SLC35F2: variants seen among roughly 807,000 people sequenced by gnomAD.
The protein encoded by SLC35F2 is solute carrier family 35 member F2.
A neutral mutation model predicts 38.1 loss-of-function variants in SLC35F2; 25 were observed. The observed-to-expected ratio is 0.66, with a 90% confidence interval of 0.48 to 0.92. The LOEUF is 0.92. Ranked by LOEUF, SLC35F2 falls within the 40% of genes least tolerant of loss-of-function variation. SLC35F2 has a pLI of 0.00. For missense variants in SLC35F2, 409 were observed against 452.9 expected (o/e 0.90, Z 0.88); for synonymous variants, 173 against 181.7 (o/e 0.95, Z 0.38).
intron 1 of SLC35F2, among the ~76,000 whole-genome samples, chr11:107,844,111 A>C (rs1860064241): frequency 6.6e-6 from 1 of 151,954 alleles, no homozygotes; most frequent in African/African-American, 2.4e-5. Flanking sequence ...AGACTGCCCA[A>C]GGTCTGTTTT....
In SLC35F2 at chr11:107,806,895, A is replaced by G; in HGVS notation, c.415-19T>C. ...CCAAAAGCTGCATGGAAAGAGAATC[A>G]ACAGTTTAAAACATATCTCTCATTA... On this transcript the variant is annotated intron_variant, in intron 3 of 7. Coordinates refer to ENST00000525815, the MANE Select transcript of SLC35F2 (RefSeq NM_017515.5). 6.2e-7 allele frequency: 1 copy of G among 1,605,562 alleles called. No individual in the cohort carries two copies. Among genetic ancestry groups the G allele is most frequent in the Non-Finnish European group, 8.5e-7 (1 of 1,174,970 alleles).
chr11:107,811,791 C>T lies in SLC35F2; in HGVS notation c.290G>A (p.Ser97Asn). 1.9e-6 allele frequency: 3 copies of T among 1,613,590 alleles called. No homozygotes were observed. Among genetic ancestry groups the T allele is most frequent in the South Asian group, 2.2e-5 (2 of 91,024 alleles). ...TTTCAAGATTACTAAAAGGTTATCA[C>T]TGCCTGGTTGAAAGAAATATGGGTT... ...YTVMLAFRSGSDNLLVILKRK... is the reference protein window; with the variant it reads ...YTVMLAFRSGNDNLLVILKRK... Residue 97 changes from serine to asparagine, a missense_variant, in exon 3 of 8, where the codon AGT (serine) becomes AAT (asparagine). Physicochemically the swap from Ser to Asn is conservative, Grantham distance 46. Coordinates refer to ENST00000525815, the MANE Select transcript of SLC35F2 (RefSeq NM_017515.5).
chr11:107,815,255 T>C (rs561526074), intron 2 of SLC35F2, among the ~76,000 whole-genome samples: 1 of 151,660 alleles, frequency 6.6e-6, no homozygotes, highest in Admixed American at 6.6e-5. Flanking sequence ...TGTAATGACA[T>C]TTACACTTTT....
intron 7 of SLC35F2, 108 bp downstream of exon 7, chr11:107,802,892 GC>G: frequency 9.1e-7 from 1 of 1,097,436 alleles, no homozygotes; most frequent in Non-Finnish European, 1.3e-6. Context: ...TGAAATTCTT[GC>G]CAAGAAGATG....
chr11:107,849,849 AC>A, intron 1 of SLC35F2, among the ~76,000 whole-genome samples: 1 of 152,218 alleles, frequency 6.6e-6, no homozygotes, highest in Middle Eastern at 3.4e-3. Flanking sequence ...AGAAAGAGGA[AC>A]CAGAGGCCCA....
chr11:107,838,447 C>T (rs1859963141), intron 1 of SLC35F2, among the ~76,000 whole-genome samples: 2 of 152,000 alleles, frequency 1.3e-5, no homozygotes, highest in East Asian at 3.9e-4. Context: ...GACTCAGCCT[C>T]CCGAGTAGCT....
chr11:107,815,173 CTTGACT>C (rs139669620), intron 2 of SLC35F2, among the ~76,000 whole-genome samples: 607 of 152,032 alleles, frequency 4.0e-3, no homozygotes, highest in African/African-American at 0.014. Context: ...GAGTAAGGTT[CTTGACT>C]TTAAGTGTTT....
intron 1 of SLC35F2, among the ~76,000 whole-genome samples, chr11:107,852,630 AGGG>A (rs1404180590): frequency 6.6e-6 from 1 of 151,690 alleles, no homozygotes; most frequent in African/African-American, 2.4e-5. Context: ...AGCACTTTGG[AGGG>A]GGCCGAGATG....
chr11:107,818,074 A>AAAGAG (rs1565433206), intron 1 of SLC35F2, among the ~76,000 whole-genome samples: 3 of 67,594 alleles, frequency 4.4e-5, no homozygotes, highest in Non-Finnish European at 6.4e-5. Flanking sequence ...AAAAAAAAAA[A>AAAGAG]AGAAAGAAAG....
At chr11:107,857,749 G>GTCCCAGCC (rs1860316110) in intron 1 of SLC35F2, among the ~76,000 whole-genome samples, 1 of 152,118 alleles carries the variant, frequency 6.6e-6, no homozygotes, top group Admixed American at 6.6e-5. Flanking sequence ...ACGCTGTTTA[G>GTCCCAGCC]ACTACGGCTT....
intron 1 of SLC35F2, chr11:107,821,704 T>A (rs1314922330): frequency 1.2e-6 from 1 of 810,394 alleles, no homozygotes; most frequent in Admixed American, 6.2e-5. Context: ...TTGGGATATA[T>A]CCTGTCCCGG....
chr11:107,798,372 C>T (rs1859253041), intron 7 of SLC35F2, among the ~76,000 whole-genome samples: 1 of 152,094 alleles, frequency 6.6e-6, no homozygotes, highest in Non-Finnish European at 1.5e-5. Context: ...GTGAAAACAC[C>T]TATATAACTT....
chr11:107,838,804 T>C (rs1256096545), intron 1 of SLC35F2, among the ~76,000 whole-genome samples: 1 of 151,226 alleles, frequency 6.6e-6, no homozygotes, highest in African/African-American at 2.4e-5. Flanking sequence ...TATTTTCATA[T>C]TTTTAGTAGA....
intron 7 of SLC35F2, among the ~76,000 whole-genome samples, chr11:107,797,385 A>G (rs4754260): frequency 0.093 from 14,099 of 151,856 alleles, 1,599 homozygotes; most frequent in East Asian, 0.27. Flanking sequence ...AGACAGAGAG[A>G]GAAGAAAAAG....
intron 6 of SLC35F2, 46 bp from the exon 7 acceptor site, chr11:107,803,201 T>C (rs765894147): frequency 2.6e-6 from 4 of 1,551,046 alleles, no homozygotes; most frequent in Non-Finnish European, 3.5e-6. Flanking sequence ...CAAGAAAACA[T>C]AAGACAAAGG....
intron 2 of SLC35F2, among the ~76,000 whole-genome samples, chr11:107,812,870 T>A (rs12281160): frequency 2.0e-5 from 3 of 152,280 alleles, no homozygotes; most frequent in African/African-American, 7.2e-5. Flanking sequence ...CTGCAGGTGA[T>A]CATTCTTTTG....
chr11:107,823,564 C>A (rs1288485381), intron 1 of SLC35F2, among the ~76,000 whole-genome samples: 1 of 152,166 alleles, frequency 6.6e-6, no homozygotes, highest in East Asian at 1.9e-4. Flanking sequence ...TCGCACTCTG[C>A]ACATAAGCTA....
intron 1 of SLC35F2, among the ~76,000 whole-genome samples, chr11:107,820,258 A>T (rs1357251971): frequency 2.9e-5 from 4 of 137,718 alleles, no homozygotes; most frequent in Non-Finnish European, 6.2e-5. Flanking sequence ...TTGCCCAAAA[A>T]ATAAAAAAAA....
At chr11:107,805,956 A>AT (rs1196082101) in intron 4 of SLC35F2, among the ~76,000 whole-genome samples, 2 of 152,034 alleles carry the variant, frequency 1.3e-5, no homozygotes, top group Non-Finnish European at 2.9e-5. Flanking sequence ...TAATTTTTGT[A>AT]TTTTTGGTAG....
Sources: allele counts gnomAD v4.1 joint callset (sites outside exome capture counted in the v4.1 genomes callset), GRCh38; gene constraint gnomAD v4.1.1; transcripts MANE v1.5; gene names NCBI Gene and HGNC (gene_info 2026-07-23, HGNC 2026-07-21).